COX10: variants seen among roughly 807,000 people sequenced by gnomAD.
COX10 encodes protoheme IX farnesyltransferase, mitochondrial.
In COX10, 27 loss-of-function variants were observed where a neutral mutation model predicts 37.3. The observed-to-expected ratio is 0.72, with a 90% CI of 0.53 to 1.00. The LOEUF (loss-of-function observed/expected upper bound fraction) is 1.00. COX10 is among the 50% of genes least tolerant of loss of function. COX10 has a pLI of 0.00. For synonymous variants in COX10, 222 were observed against 229.1 expected, an observed-to-expected ratio of 0.97 and a Z score of 0.28; for missense variants, 475 against 563.2, an observed-to-expected ratio of 0.84 and a Z score of 1.59.
At chr17:14,158,413 T>C (rs543036754) in intron 4 of COX10, among the ~76,000 whole-genome samples, 1 of 151,426 alleles carries the variant, frequency 6.6e-6, no homozygotes, top group Admixed American at 6.6e-5. Context: ...TAACATATAC[T>C]TCTTAGTAAA....
At chr17:14,197,935 C>A (rs1218675742) in intron 6 of COX10, among the ~76,000 whole-genome samples, 1 of 152,242 alleles carries the variant, frequency 6.6e-6, no homozygotes, top group East Asian at 1.9e-4. Context: ...ATTTTCCTCT[C>A]AGCCTCAGAG....
intron 5 of COX10, among the ~76,000 whole-genome samples, chr17:14,175,296 C>G (rs1217619525): frequency 1.3e-5 from 2 of 150,872 alleles, no homozygotes; most frequent in African/African-American, 4.9e-5. Context: ...ATTTTCAGAG[C>G]ACTTGGTTTT....
Position 14,172,571 on chromosome 17 carries a change from T to TCTTTTC in COX10, c.695+12629_695+12630insCCTTTT, listed in dbSNP as rs1162364446. On this transcript the variant is annotated intron_variant, in intron 5 of 6. Transcript: ENST00000261643. ...TGGCTATTCGTATGTCTTCTTTTTT[T>TCTTTTC]CTTTTTCTTTTTTTTTTTTTTTTTT... is the stretch of plus-strand genomic sequence containing the variant. Among the ~76,000 whole-genome samples, 7 of 139,644 alleles carry TCTTTTC rather than the reference T, an allele frequency of 5.0e-5. 1 individual carries two copies. Among genetic ancestry groups the TCTTTTC allele is most frequent in the African/African-American group, 5.2e-5 (2 of 38,572 alleles). The allele number at this position is 139,644 out of a possible 152,430, so 91.6% of individuals were successfully genotyped here.
At position 14,192,181 on chromosome 17, in the gene COX10, T is replaced by C. The variant is rs1350106048; in HGVS notation, c.888T>C (p.Pro296=). The C allele has an allele frequency of 4.3e-6, 7 of 1,614,112 alleles. No individual in the cohort carries two copies. The South Asian group carries it at 7.7e-5, about 18-fold the overall frequency. Residue 296 remains proline (P), a synonymous_variant, in exon 6 of 7, where the codon CCT becomes CCC. Coordinates refer to ENST00000261643, the MANE Select transcript of COX10 (RefSeq NM_001303.4). ...GAGCTGTGGTTGGGGCCATCCCGCC[T>C]GTCATGGGCTGGACAGCGGCCACGG... ...WVGAVVGAIP[P]VMGWTAATGS...
intron 3 of COX10, among the ~76,000 whole-genome samples, chr17:14,081,991 A>T (rs1039259820): frequency 3.9e-5 from 6 of 152,198 alleles, no homozygotes; most frequent in African/African-American, 1.4e-4. Flanking sequence ...CCAGGTGGAG[A>T]GACCCAGTGG....
chr17:14,113,848 C>T (rs994010572), intron 4 of COX10, among the ~76,000 whole-genome samples: 3 of 152,126 alleles, frequency 2.0e-5, no homozygotes, highest in African/African-American at 7.2e-5. Flanking sequence ...ACACACAGCT[C>T]TCTTTGTGAA....
chr17:14,136,663 T>C (rs1394609753), intron 4 of COX10, among the ~76,000 whole-genome samples: 1 of 151,998 alleles, frequency 6.6e-6, no homozygotes, highest in African/African-American at 2.4e-5. Context: ...TTTTTTTAAA[T>C]CATCTTATTT....
intron 4 of COX10, among the ~76,000 whole-genome samples, chr17:14,109,436 A>C (rs192931746): frequency 2.8e-4 from 42 of 152,358 alleles, no homozygotes; most frequent in Admixed American, 5.9e-4. Context: ...AGGTTTTGCC[A>C]ACAAATGCAG....
rs143532749 is a variant in COX10, at chr17:14,106,920, C to T, written c.624+4678C>T. 8.3e-3 allele frequency among the ~76,000 whole-genome samples: 1,258 copies of T among 152,286 alleles called. 8 individuals carry two copies. The highest frequency in any genetic ancestry group is 0.017 in the Middle Eastern group (5 of 294). On this transcript the variant is annotated intron_variant, in intron 4 of 6. Coordinates refer to ENST00000261643, the MANE Select transcript of COX10 (RefSeq NM_001303.4). Reference sequence around the variant, plus strand: ...TTCAGTTTTTGTCTTTAATGTTTTACAGTGCAGATGTTTCATGTTTTTACA... The same window carrying T: ...TTCAGTTTTTGTCTTTAATGTTTTATAGTGCAGATGTTTCATGTTTTTACA...
chr17:14,188,253 A>G (rs1007956654), intron 5 of COX10, among the ~76,000 whole-genome samples: 19 of 149,382 alleles, frequency 1.3e-4, no homozygotes, highest in Non-Finnish European at 2.4e-4. Flanking sequence ...AAATTACCTT[A>G]TTGGAAGAAG....
At chr17:14,135,843 C>T (rs1002125241) in intron 4 of COX10, among the ~76,000 whole-genome samples, 2 of 151,852 alleles carry the variant, frequency 1.3e-5, no homozygotes, top group African/African-American at 4.8e-5. Flanking sequence ...AAAGTAAAGG[C>T]ATTTGAGTAG....
intron 5 of COX10, among the ~76,000 whole-genome samples, chr17:14,174,511 A>C: frequency 6.6e-6 from 1 of 152,108 alleles, no homozygotes; most frequent in Non-Finnish European, 1.5e-5. Context: ...TACTCCAAAG[A>C]AGAAATACAG....
In COX10 at chr17:14,069,508, C is replaced by T. The variant is rs1914957886; in HGVS notation, c.-98C>T. On this transcript the variant is annotated 5_prime_UTR_variant, in exon 1 of 7. Transcript: ENST00000261643. ...CGCCGGAAGTGGCGGCCCGGAACTA[C>T]TCCCACAGGGGGGCGGGGAAGGAAG... 3 of 1,463,998 alleles carry T rather than the reference C, an allele frequency of 2.0e-6. No homozygotes were observed. Among genetic ancestry groups the T allele is most frequent in the Non-Finnish European group, 1.9e-6 (2 of 1,054,756 alleles). The allele number at this position is 1,463,998 out of a possible 1,614,324, so 90.7% of individuals were successfully genotyped here. A position where few individuals can be genotyped will look rare whatever the true frequency, so the allele number is the denominator to read the frequency against.
intron 4 of COX10, among the ~76,000 whole-genome samples, chr17:14,106,404 G>A (rs1407965041): frequency 6.6e-6 from 1 of 152,098 alleles, no homozygotes; most frequent in East Asian, 1.9e-4. Flanking sequence ...GGGATTTCTA[G>A]TTTTTGTCCA....
At position 14,078,831 on chromosome 17, in the gene COX10, T is replaced by C. The variant is rs75860284; in HGVS notation, c.499+1775T>C. Among the ~76,000 whole-genome samples, 3 of 152,284 alleles carry C rather than the reference T, an allele frequency of 2.0e-5. No individual in the cohort carries two copies. The East Asian group carries it at 5.8e-4, about 29-fold the overall frequency. Reference sequence around the variant, plus strand: ...AAAGGAACACTGTAACCTGGAATGATCAAACTGTTCCTCAGAATCAACCTT... The same window carrying C: ...AAAGGAACACTGTAACCTGGAATGACCAAACTGTTCCTCAGAATCAACCTT... On this transcript the variant is annotated intron_variant, in intron 3 of 6. Transcript: ENST00000261643.
intron 5 of COX10, chr17:14,179,345 A>G (rs1325921099): frequency 3.2e-6 from 1 of 310,856 alleles, no homozygotes; most frequent in African/African-American, 2.3e-5. Flanking sequence ...AATATTTCTT[A>G]AAGATGTCAA....
At chr17:14,161,396 TA>T (rs1905168180) in intron 5 of COX10, among the ~76,000 whole-genome samples, 2 of 152,208 alleles carry the variant, frequency 1.3e-5, no homozygotes, top group South Asian at 4.1e-4. Flanking sequence ...AATCTTTATT[TA>T]AAAATTAAGT....
In COX10 at chr17:14,175,241, A is replaced by G. The variant is rs557650789; in HGVS notation, c.695+15294A>G. ...ACTCAGAACTAACTGTACACTTGCA[A>G]TGGGTAAATTTGTGTATTGAAAATT... On this transcript the variant is annotated intron_variant, in intron 5 of 6. Coordinates refer to ENST00000261643, the MANE Select transcript of COX10 (RefSeq NM_001303.4). Among the ~76,000 whole-genome samples, 53 of 150,570 alleles carry G rather than the reference A, an allele frequency of 3.5e-4. No individual in the cohort carries two copies. The South Asian group carries it at 5.3e-3, about 15-fold the overall frequency.
At chr17:14,198,167 G>C (rs1906423755) in intron 6 of COX10, among the ~76,000 whole-genome samples, 1 of 152,144 alleles carries the variant, frequency 6.6e-6, no homozygotes, top group Admixed American at 6.5e-5. Context: ...TGACAGAAGT[G>C]ACCTGCTGGA....
Sources: allele counts gnomAD v4.1 joint callset (sites outside exome capture counted in the v4.1 genomes callset), GRCh38; gene constraint gnomAD v4.1.1; transcripts MANE v1.5; gene names NCBI Gene and HGNC (gene_info 2026-07-23, HGNC 2026-07-21).